LATS2: variants seen among roughly 807,000 people sequenced by gnomAD.
LATS2 encodes serine/threonine-protein kinase LATS2.
A neutral mutation model predicts 76.0 loss-of-function variants in LATS2; 24 were observed. That is an observed-to-expected ratio of 0.32 (90% CI 0.23 to 0.44). The LOEUF (loss-of-function observed/expected upper bound fraction) is 0.44, where lower values mean the gene tolerates loss of function less well. LATS2 is among the 20% of genes least tolerant of loss of function. The pLI is 1.00. For missense variants in LATS2, 1,286 were observed against 1,481.2 expected (o/e 0.87, Z 2.16); for synonymous variants, 692 against 635.4 (o/e 1.09, Z -1.34).
intron 2 of LATS2, among the ~76,000 whole-genome samples, chr13:21,030,424 C>T (rs1484213473): frequency 1.3e-5 from 2 of 151,764 alleles, no homozygotes; most frequent in African/African-American, 2.4e-5. Flanking sequence ...CCCGTCTCTA[C>T]TAAAAATGCA....
At position 20,989,020 on chromosome 13, in the gene LATS2, C is replaced by T. The variant is rs761798256; in HGVS notation, c.760G>A (p.Gly254Arg). Reference sequence around the variant, plus strand: ...CCAGGCACCAGCAGGTGCGGCCGCCCGTAGTGCGCGCCCTGCAGCGGGAAG... The same window carrying T: ...CCAGGCACCAGCAGGTGCGGCCGCCTGTAGTGCGCGCCCTGCAGCGGGAAG... ...AHFPLQGAHY[G>R]RPHLLVPGEP... The change falls in exon 4 of 8, where the codon GGG becomes AGG. Residue 254 changes from glycine (G) to arginine (R), a missense_variant. Physicochemically the swap from Gly to Arg is moderately radical, Grantham distance 125 (BLOSUM62 -2). Around this residue, in one of 5 missense-constraint regions of LATS2, gnomAD observed 710 missense variants for 660.9 expected, o/e 1.07. Coordinates refer to ENST00000382592, the MANE Select transcript of LATS2 (RefSeq NM_014572.3). The T allele has an allele frequency of 1.0e-5, 16 of 1,554,642 alleles. No homozygotes were observed. Among genetic ancestry groups the T allele is most frequent in the Middle Eastern group, 1.8e-4 (1 of 5,568 alleles).
chr13:21,048,163 G>A (rs533890953), intron 1 of LATS2, among the ~76,000 whole-genome samples: 105 of 152,282 alleles, frequency 6.9e-4, no homozygotes, highest in African/African-American at 2.3e-3. Flanking sequence ...TGTGCTCTAA[G>A]CATCTGTTTT....
intron 4 of LATS2, among the ~76,000 whole-genome samples, chr13:20,986,502 G>A (rs1870151686): frequency 6.6e-6 from 1 of 152,224 alleles, no homozygotes; most frequent in African/African-American, 2.4e-5. Context: ...ATTATGTTAA[G>A]TGAAATAAGC....
chr13:21,047,758 C>T (rs750280455), intron 1 of LATS2, among the ~76,000 whole-genome samples: 9 of 151,246 alleles, frequency 6.0e-5, no homozygotes, highest in African/African-American at 1.9e-4. Context: ...GTGTCAGGTG[C>T]GGTTCAAAGA....
At chr13:21,047,495 TTCCC>T (rs760187832) in intron 1 of LATS2, among the ~76,000 whole-genome samples, 21 of 152,296 alleles carry the variant, frequency 1.4e-4, no homozygotes, top group Middle Eastern at 3.4e-3. Context: ...TGGCTGCCCC[TTCCC>T]TCACCCACTC....
intron 1 of LATS2, among the ~76,000 whole-genome samples, chr13:21,055,598 A>C (rs1353374020): frequency 1.3e-5 from 2 of 152,172 alleles, no homozygotes; most frequent in African/African-American, 4.8e-5. Context: ...ATCCTGGAAA[A>C]TGCTATCAGA....
chr13:21,031,398 G>A (rs1266676711), intron 2 of LATS2, among the ~76,000 whole-genome samples: 1 of 152,074 alleles, frequency 6.6e-6, no homozygotes, highest in Non-Finnish European at 1.5e-5. Flanking sequence ...ATGATTTTTG[G>A]ATTGGGTAAT....
At chr13:20,997,097 C>T (rs1452863039) in intron 2 of LATS2, among the ~76,000 whole-genome samples, 1 of 152,146 alleles carries the variant, frequency 6.6e-6, no homozygotes, top group Non-Finnish European at 1.5e-5. Flanking sequence ...CAGAGCTCCT[C>T]AAGAGGTTTT....
At chr13:21,060,260 A>G (rs988847273) in intron 1 of LATS2, among the ~76,000 whole-genome samples, 5 of 152,174 alleles carry the variant, frequency 3.3e-5, no homozygotes, top group Non-Finnish European at 5.9e-5. Flanking sequence ...GAAGTTCTGG[A>G]GTTGGGCTGA....
intron 2 of LATS2, chr13:21,018,167 C>T (rs1442262386): frequency 3.9e-5 from 6 of 152,172 alleles, no homozygotes; most frequent in African/African-American, 1.4e-4. Flanking sequence ...TCTCTAAAAC[C>T]TAAGGCATTC....
rs762484566 is a variant in LATS2, at chr13:20,988,437, C to T, written c.1343G>A (p.Arg448His). The change falls in exon 4 of 8, where the codon CGT (arginine) becomes CAT (histidine). Residue 448 changes from arginine (R) to histidine (H), a missense_variant. Coordinates refer to ENST00000382592, the MANE Select transcript of LATS2 (RefSeq NM_014572.3). ...AHILHPVKSV[R>H]VLRPEPQTAV... ...CGTCTGCGGCTCCGGCCTCAGCACA[C>T]GCACGCTCTTCACCGGGTGCAAGAT... 2 of 1,507,072 alleles carry T rather than the reference C, an allele frequency of 1.3e-6. No individual in the cohort carries two copies. The highest frequency in any genetic ancestry group is 2.1e-5 in the Admixed American group (1 of 47,980). 93.4% of individuals were successfully genotyped at this position (1,507,072 alleles called of 1,614,324 possible).
chr13:20,991,422 G>C lies in LATS2; in HGVS notation c.343-18C>G, dbSNP rs777166025. The stretch of plus-strand genomic sequence containing the variant: ...GCCATCTCCTGGGAGGGAAGTAAAG[G>C]AGAGGTAAGTGCATGTCATCCTAAA... On this transcript the variant is annotated intron_variant, in intron 2 of 7. Transcript: ENST00000382592. The surrounding 1 kb of genome is among the most constrained non-coding windows in gnomAD (Gnocchi z 4.9). 2 of 1,613,928 alleles carry C rather than the reference G, an allele frequency of 1.2e-6. No homozygotes were observed. Among genetic ancestry groups the C allele is most frequent in the Non-Finnish European group, 8.5e-7 (1 of 1,179,962 alleles).
At chr13:21,060,575 G>A (rs988845742) in intron 1 of LATS2, among the ~76,000 whole-genome samples, 27 of 152,162 alleles carry the variant, frequency 1.8e-4, no homozygotes, top group African/African-American at 6.5e-4. Context: ...CGCCCCCAGG[G>A]TCCGGTGGCC....
rs756702960 is a variant in LATS2 at position 20,983,431 on chromosome 13, G to T, written c.2275C>A (p.Arg759=). ...AGGTGCTCAGGGAAGACCTCCATCC[G>T]GATCAGCAGGCTCATCATGTCCCCA... ...PGGDMMSLLI[R]MEVFPEHLAR... The change falls in exon 5 of 8, where the codon CGG becomes AGG. Residue 759 remains arginine, a synonymous_variant. Coordinates refer to ENST00000382592, the MANE Select transcript of LATS2 (RefSeq NM_014572.3). 1 of 1,613,860 alleles carries T rather than the reference G, an allele frequency of 6.2e-7. No individual in the cohort carries two copies. Among genetic ancestry groups the T allele is most frequent in the East Asian group, 2.2e-5 (1 of 44,882 alleles).
intron 3 of LATS2, among the ~76,000 whole-genome samples, chr13:20,990,509 C>T (rs1244461777): frequency 8.4e-6 from 1 of 118,752 alleles, no homozygotes; most frequent in Non-Finnish European, 1.6e-5. Context: ...AGGTCTCCCT[C>T]TGTTGCCCAG....
At position 21,034,515 on chromosome 13, in the gene LATS2, G is replaced by A. The variant is rs140183151; in HGVS notation, c.342+11170C>T. 3.5e-4 allele frequency among the ~76,000 whole-genome samples: 53 copies of A among 152,300 alleles called. No individual in the cohort carries two copies. In the East Asian group the frequency reaches 5.4e-3, roughly 16 times the overall value. On this transcript the variant is annotated intron_variant, in intron 2 of 7. Coordinates refer to ENST00000382592, the MANE Select transcript of LATS2 (RefSeq NM_014572.3). The stretch of plus-strand genomic sequence containing the variant: ...CCTGGAACACCACTGCAGAGGTGCC[G>A]TCTGGTGCACGCCAAGACGGAGTCA...
rs1360163891 is a variant in LATS2 at position 21,007,706 on chromosome 13, A to G, written c.343-16302T>C. 3.0e-4 allele frequency among the ~76,000 whole-genome samples: 4 copies of G among 13,360 alleles called. 1 individual carries two copies. The highest frequency in any genetic ancestry group is 2.1e-3 in the African/African-American group (4 of 1,932). The allele number at this position is 13,360 out of a possible 152,430, so 8.8% of individuals were successfully genotyped here. A position where few individuals can be genotyped will look rare whatever the true frequency, so the allele number is the denominator to read the frequency against. ...TAGTATATATATATATATAGTATGT[A>G]TATATATATATATATAGTATATATA... On this transcript the variant is annotated intron_variant, in intron 2 of 7. Coordinates refer to ENST00000382592, the MANE Select transcript of LATS2 (RefSeq NM_014572.3).
chr13:20,987,750 A>T, intron 4 of LATS2, 131 bp downstream of exon 4: 1 of 1,050,750 alleles, frequency 9.5e-7, no homozygotes, highest in East Asian at 2.5e-5. Context: ...CCCCAGAACC[A>T]GACTGTCGCC....
chr13:20,999,201 G>A (rs948410833), intron 2 of LATS2, among the ~76,000 whole-genome samples: 7 of 152,180 alleles, frequency 4.6e-5, no homozygotes, highest in Non-Finnish European at 8.8e-5. Flanking sequence ...AAAATGAGTC[G>A]CCACCTTGCG....
Sources: gnomAD v4.1 joint callset for allele counts (sites outside exome capture counted in the v4.1 genomes callset) on GRCh38, gnomAD v4.1.1 for gene constraint, gnomAD v4.1.1 regional missense constraint, Gnocchi (gnomAD v3.1) non-coding constraint, MANE v1.5 for transcripts, NCBI Gene and HGNC (gene_info 2026-07-23, HGNC 2026-07-21) for gene names.